Variants in PPM1M observed in about 807,000 individuals in gnomAD.
PPM1M encodes protein phosphatase 1M.
A neutral mutation model predicts 50.8 loss-of-function variants in PPM1M; 44 were observed. The observed-to-expected ratio is 0.87, with a 90% CI of 0.68 to 1.11. The LOEUF (loss-of-function observed/expected upper bound fraction) is 1.11, where lower values mean the gene tolerates loss of function less well. PPM1M is among the 50% of genes most tolerant of loss of function. PPM1M has a pLI of 0.00. For missense variants in PPM1M, 556 were observed against 593.4 expected, an observed-to-expected ratio of 0.94 and a Z score of 0.66; for synonymous variants, 224 against 242.9, an observed-to-expected ratio of 0.92 and a Z score of 0.72.
intron 9 of PPM1M, 145 bp downstream of exon 9, chr3:52,249,467 G>A: frequency 7.9e-7 from 1 of 1,270,902 alleles, no homozygotes; most frequent in Non-Finnish European, 1.1e-6. Context: ...GAGGAGGCAG[G>A]GAGACCGTGG....
chr3:52,249,736 AG>A lies in PPM1M; in HGVS notation c.1305del (p.Gln436ArgfsTer11), dbSNP rs1365102542. 1 of 1,613,982 alleles carries A rather than the reference AG, an allele frequency of 6.2e-7. No individual in the cohort carries two copies. The highest frequency in any genetic ancestry group is 8.5e-7 in the Non-Finnish European group (1 of 1,179,860). ...QGKEDSLTEE[G>X]QVSYDDVSVF... ...GAAAGGAAGACAGTCTCACAGAGGA[AG>A]GGCAGGTGTCCTACGATGACGTCTC... is the stretch of plus-strand genomic sequence containing the variant. On this transcript the variant is annotated frameshift_variant, in exon 10 of 10. Coordinates refer to ENST00000323588, the MANE Select transcript of PPM1M (RefSeq NM_144641.4). LOFTEE classifies it high-confidence loss of function.
rs371120566 is a variant in PPM1M, at chr3:52,248,316, C to T, written c.796-19C>T. 7.1e-5 allele frequency: 114 copies of T among 1,605,110 alleles called. No homozygotes were observed. The highest frequency in any genetic ancestry group is 1.7e-5 in the Admixed American group (1 of 58,698). On this transcript the variant is annotated intron_variant, in intron 5 of 9. Transcript: ENST00000323588. ...GCCATAAGAAGGAGTATGACCTGAGCGCAGCCTCCCCACCCCAGGCCTTTG... is the reference window on the plus strand; with the variant it reads ...GCCATAAGAAGGAGTATGACCTGAGTGCAGCCTCCCCACCCCAGGCCTTTG...
At position 52,249,240 on chromosome 3, in the gene PPM1M, G is replaced by GA; in HGVS notation, c.1153_1154insA (p.Gly385GlufsTer57). ...TGATGTGGTTGTCATGGCAACTGAT[G>GA]GACTCTGGGATGTACTGTCCAACGA... On this transcript the variant is annotated frameshift_variant, in exon 9 of 10. Coordinates refer to ENST00000323588, the MANE Select transcript of PPM1M (RefSeq NM_144641.4). LOFTEE classifies it high-confidence loss of function. The GA allele has an allele frequency of 1.2e-6, 2 of 1,613,918 alleles. No individual in the cohort carries two copies. Among genetic ancestry groups the GA allele is most frequent in the Non-Finnish European group, 1.7e-6 (2 of 1,179,860 alleles).
At chr3:52,247,521 A>G in intron 3 of PPM1M, 161 bp from the exon 4 acceptor site, 1 of 667,730 alleles carries the variant, frequency 1.5e-6, no homozygotes, top group South Asian at 1.9e-5. Flanking sequence ...TCCCTTGTCT[A>G]GATCTCCTGA....
intron 1 of PPM1M, chr3:52,246,364 C>G (rs116291331): frequency 9.5e-7 from 1 of 1,052,714 alleles, no homozygotes; most frequent in Non-Finnish European, 1.2e-6. Context: ...GCCCTCTACC[C>G]CCACCATCTC....
At chr3:52,249,426 G>A (rs1482210105) in intron 9 of PPM1M, 104 bp downstream of exon 9, 2 of 1,458,952 alleles carry the variant, frequency 1.4e-6, no homozygotes, top group Admixed American at 3.9e-5. Flanking sequence ...GCTGGCAGCT[G>A]GCCAGGATCA....
Position 52,250,006 on chromosome 3 carries a change from G to A in PPM1M, c.*192G>A, listed in dbSNP as rs1437741734. ...GCAGTCAGAGCTGGAAGTGTATGGA[G>A]AGCCCAGCCCACCAGGTCCTGCCTT... is the stretch of plus-strand genomic sequence containing the variant. On this transcript the variant is annotated 3_prime_UTR_variant, in exon 10 of 10. Transcript: ENST00000323588. 1 of 576,750 alleles carries A rather than the reference G, an allele frequency of 1.7e-6. No individual in the cohort carries two copies. The highest frequency in any genetic ancestry group is 3.1e-6 in the Non-Finnish European group (1 of 324,872). 35.7% of individuals were successfully genotyped at this position (576,750 alleles called of 1,614,324 possible).
chr3:52,248,281 T>C (rs759002178), intron 5 of PPM1M, 44 bp downstream of exon 5: 1 of 1,607,002 alleles, frequency 6.2e-7, no homozygotes, highest in Non-Finnish European at 8.5e-7. Flanking sequence ...CTCCAACTCC[T>C]GGGTCCAGGG....
At position 52,248,580 on chromosome 3, in the gene PPM1M, G is replaced by A. The variant is rs1325035472; in HGVS notation, c.915-57G>A. 5 of 1,603,082 alleles carry A rather than the reference G, an allele frequency of 3.1e-6. No homozygotes were observed. In the African/African-American group the frequency reaches 6.7e-5, roughly 21 times the overall value. On this transcript the variant is annotated intron_variant, in intron 6 of 9. Coordinates refer to ENST00000323588, the MANE Select transcript of PPM1M (RefSeq NM_144641.4). ...GGGTGTGACAGCTGGGCCCTGAGTT[G>A]GGGAAAGATGAGATGGGGCACAGGG...
chr3:52,249,005 A>C lies in PPM1M; in HGVS notation c.1028A>C (p.Gln343Pro). The change falls in exon 8 of 10, where the codon CAG becomes CCG. Residue 343 changes from glutamine (Q) to proline (P), a missense_variant. Transcript: ENST00000323588. ...LAVSRGLGDH[Q>P]LRVLDTNIQL... is the part of the protein sequence containing the mutation. Reference sequence around the variant, plus strand: ...GTCTCCCGGGGCCTGGGAGACCATCAGCTCAGAGTCCTGGACACAAACATC... The same window carrying C: ...GTCTCCCGGGGCCTGGGAGACCATCCGCTCAGAGTCCTGGACACAAACATC... 6.2e-7 allele frequency: 1 copy of C among 1,611,402 alleles called. No individual in the cohort carries two copies. Among genetic ancestry groups the C allele is most frequent in the Non-Finnish European group, 8.5e-7 (1 of 1,178,842 alleles).
At position 52,246,735 on chromosome 3, in the gene PPM1M, G is replaced by A. The variant is rs1159975449; in HGVS notation, c.265G>A (p.Ala89Thr). ...AEKSEFNEDQ[A>T]ACGKLCIRRC... Reference sequence around the variant, plus strand: ...GAAATCTGAATTCAATGAGGATCAAGCCGCCTGTGGGAAGCTGTGCATCCG... The same window carrying A: ...GAAATCTGAATTCAATGAGGATCAAACCGCCTGTGGGAAGCTGTGCATCCG... The change falls in exon 2 of 10, where the codon GCC becomes ACC. Residue 89 changes from alanine (A) to threonine (T), a missense_variant. By Grantham distance (58) the Ala-to-Thr change is moderately conservative. Transcript: ENST00000323588. 7.6e-7 allele frequency: 1 copy of A among 1,320,984 alleles called. No individual in the cohort carries two copies. Among genetic ancestry groups the A allele is most frequent in the Admixed American group, 2.3e-5 (1 of 44,054 alleles). The allele number at this position is 1,320,984 out of a possible 1,614,324, so 81.8% of individuals were successfully genotyped here. A position where few individuals can be genotyped will look rare whatever the true frequency, so the allele number is the denominator to read the frequency against.
chr3:52,250,093 G>A lies in PPM1M; in HGVS notation c.*279G>A, dbSNP rs574997875. 2.5e-5 allele frequency: 10 copies of A among 392,366 alleles called. No homozygotes were observed. The Admixed American group carries it at 3.4e-4, about 13-fold the overall frequency. 24.3% of individuals were successfully genotyped at this position (392,366 alleles called of 1,614,324 possible). A position where few individuals can be genotyped will look rare whatever the true frequency, so the allele number is the denominator to read the frequency against. On this transcript the variant is annotated 3_prime_UTR_variant, in exon 10 of 10. Coordinates refer to ENST00000323588, the MANE Select transcript of PPM1M (RefSeq NM_144641.4). ...AACTTAACTAGGAAACCCATGTGAG[G>A]CTCCTCAGACAGGATCTTGAACAGC...
chr3:52,248,249 T>G lies in PPM1M; in HGVS notation c.795+12T>G. The G allele has an allele frequency of 1.2e-6, 2 of 1,612,058 alleles. No individual in the cohort carries two copies. Among genetic ancestry groups the G allele is most frequent in the Non-Finnish European group, 1.7e-6 (2 of 1,179,006 alleles). On this transcript the variant is annotated intron_variant, in intron 5 of 9. Transcript: ENST00000323588. Reference sequence around the variant, plus strand: ...GGATCCAGCAGCTGGTAGGTGCCCTTGGCAGCATGGAGGCTGTGAAGCTCC... The same window carrying G: ...GGATCCAGCAGCTGGTAGGTGCCCTGGGCAGCATGGAGGCTGTGAAGCTCC...
Position 52,249,577 on chromosome 3 carries a change from C to T in PPM1M, c.1236-93C>T, listed in dbSNP as rs1402590338. On this transcript the variant is annotated intron_variant, in intron 9 of 9. Transcript: ENST00000323588. ...ACAGTCGGACTGCATTGCTTGGGTC[C>T]CCATGTCCAGCCTTGTGCAGTGAGT... The T allele has an allele frequency of 4.5e-6, 7 of 1,559,628 alleles. No homozygotes were observed. In the African/African-American group the frequency reaches 8.1e-5, roughly 18 times the overall value.
intron 9 of PPM1M, 65 bp downstream of exon 9, chr3:52,249,387 T>C (rs1559448902): frequency 5.8e-6 from 9 of 1,541,604 alleles, no homozygotes; most frequent in African/African-American, 5.5e-5. Context: ...CAAGTAGTTA[T>C]GGCTGAGAAG....
Position 52,248,389 on chromosome 3 carries a change from C to A in PPM1M, c.850C>A (p.Arg284=), listed in dbSNP as rs370443102. The A allele has an allele frequency of 7.6e-5, 122 of 1,613,626 alleles. 2 individuals are homozygous for A. The South Asian group carries it at 9.3e-4, about 12-fold the overall frequency. Residue 284 remains arginine (R), a synonymous_variant, in exon 6 of 10, where the codon CGG becomes AGG. Coordinates refer to ENST00000323588, the MANE Select transcript of PPM1M (RefSeq NM_144641.4). The part of the protein sequence containing the change: ...AGEFTRLEFP[R]RLKGDDLGQK... ...TGAGTTCACCCGACTGGAGTTCCCT[C>A]GGCGGCTGAAGGGGGATGACTTGGG...
In PPM1M at chr3:52,246,775, G is replaced by C. The variant is rs1385846372; in HGVS notation, c.305G>C (p.Gly102Ala). The change falls in exon 2 of 10, where the codon GGG becomes GCG. Residue 102 changes from glycine (G) to alanine (A), a missense_variant. Coordinates refer to ENST00000323588, the MANE Select transcript of PPM1M (RefSeq NM_144641.4). ...CTGTGCATCCGGAGATGTGAGTTTG[G>C]GGCTGAAGAAGAGTGGCTGACCCTG... ...GKLCIRRCEF[G>A]AEEEWLTLCP... is the part of the protein sequence containing the mutation. The C allele has an allele frequency of 2.6e-5, 35 of 1,358,024 alleles. No homozygotes were observed. Among genetic ancestry groups the C allele is most frequent in the Non-Finnish European group, 3.3e-5 (34 of 1,024,474 alleles). The allele number at this position is 1,358,024 out of a possible 1,614,324, so 84.1% of individuals were successfully genotyped here. A position where few individuals can be genotyped will look rare whatever the true frequency, so the allele number is the denominator to read the frequency against.
rs950994054 is a variant in PPM1M, at chr3:52,249,276, T to A, written c.1189T>A (p.Trp397Arg). 1 of 1,613,070 alleles carries A rather than the reference T, an allele frequency of 6.2e-7. No individual in the cohort carries two copies. Among genetic ancestry groups the A allele is most frequent in the Non-Finnish European group, 8.5e-7 (1 of 1,179,490 alleles). The change falls in exon 9 of 10, where the codon TGG becomes AGG. Residue 397 changes from tryptophan (W) to arginine (R), a missense_variant. Physicochemically the swap from Trp to Arg is moderately radical, Grantham distance 101 (BLOSUM62 -3). Coordinates refer to ENST00000323588, the MANE Select transcript of PPM1M (RefSeq NM_144641.4). ...TGTACTGTCCAACGAGCAGGTGGCA[T>A]GGCTGGTGCGGAGCTTCCTCCCTGG... ...WDVLSNEQVA[W>R]LVRSFLPGNQ...
chr3:52,247,093 C>T lies in PPM1M; in HGVS notation c.462C>T (p.Gly154=), dbSNP rs1415690892. The change falls in exon 3 of 10, where the codon GGC becomes GGT. Residue 154 remains glycine (G), a synonymous_variant. Coordinates refer to ENST00000323588, the MANE Select transcript of PPM1M (RefSeq NM_144641.4). ...GGCAGCTGGAGGCCGTGGTGGAAGG[C>T]TTGGTGGCCACTCAGCCCCCCATGC... ...LRRQLEAVVE[G]LVATQPPMHL... is the part of the protein sequence containing the mutation. The T allele has an allele frequency of 6.3e-7, 1 of 1,592,548 alleles. No homozygotes were observed. Among genetic ancestry groups the T allele is most frequent in the Non-Finnish European group, 8.5e-7 (1 of 1,169,692 alleles).
Sources: gnomAD v4.1 joint callset for allele counts on GRCh38, gnomAD v4.1.1 for gene constraint, MANE v1.5 for transcripts, NCBI Gene and HGNC (gene_info 2026-07-23, HGNC 2026-07-21) for gene names.